The following CNPY3 variants were observed in gnomAD, a reference collection of about 807,000 sequenced individuals.
CNPY3 encodes the protein protein canopy homolog 3.
In CNPY3, 20 loss-of-function variants were observed where a neutral mutation model predicts 32.0. That is an observed-to-expected ratio of 0.63 (90% CI 0.44 to 0.91). CNPY3 has a LOEUF of 0.91. Among genes scored for constraint, CNPY3 ranks in the 40% least tolerant of loss-of-function variants. CNPY3 has a pLI of 0.00. For synonymous variants in CNPY3, 138 were observed against 142.9 expected (o/e 0.97, Z 0.24); for missense variants, 299 against 340.8 (o/e 0.88, Z 0.97).
At chr6:42,929,440 G>A, upstream of CNPY3, 1 of 969,956 alleles carries the variant, frequency 1.0e-6, no homozygotes, top group South Asian at 1.8e-5. Context: ...GAGGGCGGGC[G>A]GGAGGCTAGC....
Position 42,934,578 on chromosome 6 carries a change from T to A in CNPY3, c.255T>A (p.Ser85=). 1 of 1,614,048 alleles carries A rather than the reference T, an allele frequency of 6.2e-7. No homozygotes were observed. Among genetic ancestry groups the A allele is most frequent in the Non-Finnish European group, 8.5e-7 (1 of 1,179,978 alleles). The change falls in exon 2 of 6, where the codon TCT becomes TCA. Residue 85 remains serine, a synonymous_variant. Transcript: ENST00000372836. The stretch of plus-strand genomic sequence containing the variant: ...ATGGCATCCTGGACCAGAAGGCCTC[T>A]GGAGTCAAATACACCAAGTCGTAAG... ...TGYGILDQKA[S]GVKYTKSDLR...
At chr6:42,937,465 G>A (rs1022582823) in intron 3 of CNPY3, among the ~76,000 whole-genome samples, 4 of 152,058 alleles carry the variant, frequency 2.6e-5, no homozygotes, top group African/African-American at 2.4e-5. Context: ...ATGGTGGCAC[G>A]CCTTTGTAGT....
At chr6:42,937,663 G>T in intron 3 of CNPY3, 54 bp from the exon 4 acceptor site, 1 of 1,604,494 alleles carries the variant, frequency 6.2e-7, no homozygotes, top group South Asian at 1.1e-5. Context: ...TGGGAGACGA[G>T]GGTGGGAGGG....
upstream of CNPY3, chr6:42,929,171 G>C (rs552133096): frequency 1.2e-4 from 20 of 171,232 alleles, no homozygotes; most frequent in South Asian, 3.4e-3. Flanking sequence ...GCACCTGCGC[G>C]CCTGAATCCG....
chr6:42,929,240 C>A (rs866040435), upstream of CNPY3: 95 of 255,478 alleles, frequency 3.7e-4, no homozygotes, highest in African/African-American at 1.9e-3. Context: ...TCCTCTCTCT[C>A]CCAGAGCCTC....
At chr6:42,938,438 C>T in intron 5 of CNPY3, 130 bp from the exon 6 acceptor site, 1 of 933,360 alleles carries the variant, frequency 1.1e-6, no homozygotes, top group South Asian at 1.7e-5. Context: ...CAGCGAGAGG[C>T]AGGAGGCAGG....
chr6:42,936,685 A>C (rs546320097), intron 3 of CNPY3, among the ~76,000 whole-genome samples: 1 of 152,124 alleles, frequency 6.6e-6, no homozygotes, highest in East Asian at 1.9e-4. Flanking sequence ...ACAGGCACCG[A>C]CCACCACGCC....
At chr6:42,931,969 C>T (rs1454161505) in intron 1 of CNPY3, among the ~76,000 whole-genome samples, 3 of 152,176 alleles carry the variant, frequency 2.0e-5, no homozygotes, top group Non-Finnish European at 4.4e-5. Context: ...GTGATCCTCC[C>T]ACCTCAGCCT....
At chr6:42,928,425 T>C (rs1243292809), upstream of CNPY3, among the ~76,000 whole-genome samples, 2 of 152,074 alleles carry the variant, frequency 1.3e-5, no homozygotes, top group Non-Finnish European at 2.9e-5. Context: ...ATTACAGACA[T>C]TAGCCACGGC....
chr6:42,929,671 A>C lies in CNPY3; in HGVS notation c.101A>C (p.Gln34Pro). 1 of 1,552,698 alleles carries C rather than the reference A, an allele frequency of 6.4e-7. No individual in the cohort carries two copies. Among genetic ancestry groups the C allele is most frequent in the South Asian group, 1.2e-5 (1 of 84,356 alleles). Residue 34 changes from glutamine (Q) to proline (P), a missense_variant, in exon 1 of 6, where the codon CAG becomes CCG. Physicochemically the swap from Gln to Pro is moderately conservative, Grantham distance 76. Around this residue, in one of 2 missense-constraint regions of CNPY3, gnomAD observed 88 missense variants for 62.5 expected, o/e 1.41. Transcript: ENST00000372836. ...CCGGCCCCGGAGCTGGGCCCGAGCC[A>C]GGCCGGAGCTGAGGAGAACGACTGG... ...LLPAPELGPS[Q>P]AGAEENDWVR...
At chr6:42,928,895 A>G (rs1422696074), upstream of CNPY3, among the ~76,000 whole-genome samples, 1 of 152,208 alleles carries the variant, frequency 6.6e-6, no homozygotes, top group Admixed American at 6.5e-5. Context: ...AAATAGAAAC[A>G]GGCTCAGAGA....
At chr6:42,928,432 C>T (rs925704980), upstream of CNPY3, among the ~76,000 whole-genome samples, 3 of 151,674 alleles carry the variant, frequency 2.0e-5, no homozygotes, top group Non-Finnish European at 2.9e-5. Context: ...ACATTAGCCA[C>T]GGCGCCTGGC....
At chr6:42,928,608 T>TA (rs753116531), upstream of CNPY3, among the ~76,000 whole-genome samples, 1 of 152,094 alleles carries the variant, frequency 6.6e-6, no homozygotes, top group Non-Finnish European at 1.5e-5. Context: ...AGATGAGAGT[T>TA]TTACTGAGTA....
At chr6:42,934,237 A>G (rs1768047998) in intron 1 of CNPY3, among the ~76,000 whole-genome samples, 1 of 151,956 alleles carries the variant, frequency 6.6e-6, no homozygotes, top group South Asian at 2.1e-4. Context: ...AACAGTAGAT[A>G]AAATAGAAAT....
intron 3 of CNPY3, among the ~76,000 whole-genome samples, chr6:42,936,412 C>T (rs1025713037): frequency 6.6e-6 from 1 of 152,206 alleles, no homozygotes; most frequent in African/African-American, 2.4e-5. Flanking sequence ...GAGAAACAAT[C>T]TAACTCTACC....
rs114674280 is a variant in CNPY3 at position 42,937,568 on chromosome 6, G to A, written c.373-149G>A. ...GAGACGCTCCAACCTGGGCGACAGA[G>A]TGAGACTCCTTCTCAAAAAAAAAAG... On this transcript the variant is annotated intron_variant, in intron 3 of 5. Coordinates refer to ENST00000372836, the MANE Select transcript of CNPY3 (RefSeq NM_006586.5). 1.5e-3 allele frequency: 1,204 copies of A among 796,810 alleles called. 9 individuals are homozygous for A. In the African/African-American group the frequency reaches 0.019, roughly 13 times the overall value. 49.4% of individuals were successfully genotyped at this position (796,810 alleles called of 1,614,324 possible).
chr6:42,929,323 T>G, upstream of CNPY3: 1 of 530,822 alleles, frequency 1.9e-6, no homozygotes, highest in Non-Finnish European at 3.3e-6. Flanking sequence ...GCCAAGGGCG[T>G]AAAAAGATAG....
chr6:42,937,872 G>A, intron 4 of CNPY3, 33 bp downstream of exon 4: 2 of 1,613,274 alleles, frequency 1.2e-6, no homozygotes, highest in Non-Finnish European at 1.7e-6. Context: ...AAGGGTTGCT[G>A]TGCCCAGTGA....
intron 1 of CNPY3, 120 bp downstream of exon 1, chr6:42,929,841 G>C (rs550262560): frequency 3.3e-6 from 4 of 1,198,894 alleles, no homozygotes; most frequent in Non-Finnish European, 4.5e-6. Flanking sequence ...TTCCTTCCTT[G>C]AACAGGCTTG....
Sources: allele counts gnomAD v4.1 joint callset (sites outside exome capture counted in the v4.1 genomes callset), GRCh38; gene constraint gnomAD v4.1.1; regional missense constraint gnomAD v4.1.1; transcripts MANE v1.5; gene names NCBI Gene and HGNC (gene_info 2026-07-23, HGNC 2026-07-21).